Variants in CAMKMT observed in about 807,000 individuals in gnomAD.
CAMKMT encodes calmodulin-lysine N-methyltransferase.
In CAMKMT, 53 loss-of-function variants were observed where a neutral mutation model predicts 48.0. That is an observed-to-expected ratio of 1.10 (90% CI 0.89 to 1.39). The LOEUF (loss-of-function observed/expected upper bound fraction) is 1.39. Among genes scored for constraint, CAMKMT ranks in the 40% most tolerant of loss-of-function variants. The pLI is 0.00. For missense variants in CAMKMT, 428 were observed against 402.7 expected (o/e 1.06, Z -0.54); for synonymous variants, 165 against 152.3 (o/e 1.08, Z -0.61).
At chr2:44,477,467 A>T (rs939364821) in intron 3 of CAMKMT, among the ~76,000 whole-genome samples, 3 of 152,222 alleles carry the variant, frequency 2.0e-5, no homozygotes, top group Non-Finnish European at 4.4e-5. Flanking sequence ...GAAATTGATA[A>T]AACAGTTTAA....
intron 1 of CAMKMT, chr2:44,370,128 T>C (rs1679006949): frequency 2.0e-5 from 3 of 152,218 alleles, no homozygotes; most frequent in African/African-American, 4.8e-5. Flanking sequence ...GTTTGACTCT[T>C]GTGAGCTCTC....
At chr2:44,374,648 G>T (rs1012000863) in intron 2 of CAMKMT, among the ~76,000 whole-genome samples, 7 of 152,202 alleles carry the variant, frequency 4.6e-5, no homozygotes, top group African/African-American at 1.7e-4. Flanking sequence ...TGATCCTCAT[G>T]TAGTACTATC....
chr2:44,637,288 C>T (rs1250908199), intron 3 of CAMKMT, among the ~76,000 whole-genome samples: 1 of 152,216 alleles, frequency 6.6e-6, no homozygotes, highest in Non-Finnish European at 1.5e-5. Context: ...TTTTACAGCT[C>T]TTGAATAATA....
chr2:44,486,596 G>A (rs1187580139), intron 3 of CAMKMT, among the ~76,000 whole-genome samples: 1 of 152,196 alleles, frequency 6.6e-6, no homozygotes, highest in African/African-American at 2.4e-5. Context: ...TTCGGGCTGT[G>A]GTTCTTTACC....
chr2:44,747,186 G>A (rs112621483), intron 8 of CAMKMT, among the ~76,000 whole-genome samples: 45 of 152,108 alleles, frequency 3.0e-4, no homozygotes, highest in South Asian at 2.5e-3. Context: ...CTCTCTCAGC[G>A]TTTTTGCACT....
chr2:44,609,788 A>G (rs1671498300), intron 3 of CAMKMT, among the ~76,000 whole-genome samples: 1 of 152,122 alleles, frequency 6.6e-6, no homozygotes, highest in Non-Finnish European at 1.5e-5. Flanking sequence ...AGAAGGGTGG[A>G]TTGGAATCAC....
chr2:44,480,487 A>T (rs1668911464), intron 3 of CAMKMT, among the ~76,000 whole-genome samples: 1 of 152,330 alleles, frequency 6.6e-6, no homozygotes, highest in South Asian at 2.1e-4. Context: ...GTCAAAATAG[A>T]GTTAAGCCTA....
intron 3 of CAMKMT, among the ~76,000 whole-genome samples, chr2:44,480,026 A>AG (rs1234409851): frequency 6.6e-6 from 1 of 152,162 alleles, no homozygotes; most frequent in African/African-American, 2.4e-5. Flanking sequence ...TTGAGAAGGA[A>AG]GTCCTAGTTG....
rs1679113590 is a variant in CAMKMT, at chr2:44,370,951, C to T, written c.139-1765C>T. ...TCAGCTTCCTGAGTAGCTAGGACTA[C>T]AGGCAGACACCACCACATCCTACTA... On this transcript the variant is annotated intron_variant, in intron 1 of 10. Transcript: ENST00000378494. 2.0e-5 allele frequency among the ~76,000 whole-genome samples: 3 copies of T among 152,186 alleles called. No individual in the cohort carries two copies. The South Asian group carries it at 6.2e-4, about 32-fold the overall frequency.
At chr2:44,390,439 G>T (rs2104414099) in intron 3 of CAMKMT, 134 bp downstream of exon 3, 1 of 545,668 alleles carries the variant, frequency 1.8e-6, no homozygotes. Flanking sequence ...TAGAAAGTTT[G>T]ACTGTCTTTA....
At chr2:44,377,491 G>A (rs1679816682) in intron 2 of CAMKMT, among the ~76,000 whole-genome samples, 1 of 152,058 alleles carries the variant, frequency 6.6e-6, no homozygotes, top group Non-Finnish European at 1.5e-5. Flanking sequence ...ACAAGAAATT[G>A]TTCCTATCTC....
intron 7 of CAMKMT, among the ~76,000 whole-genome samples, chr2:44,725,801 A>G (rs184599034): frequency 1.6e-4 from 24 of 152,230 alleles, no homozygotes; most frequent in African/African-American, 5.5e-4. Context: ...GACAGAGCAC[A>G]TGAAGGGACT....
chr2:44,400,784 G>A (rs1201013842), intron 3 of CAMKMT: 2 of 151,284 alleles, frequency 1.3e-5, no homozygotes, highest in African/African-American at 2.4e-5. Flanking sequence ...CAGTATCTTC[G>A]AGAAAGCGTA....
At chr2:44,629,419 T>C (rs140478199) in intron 3 of CAMKMT, among the ~76,000 whole-genome samples, 1 of 148,682 alleles carries the variant, frequency 6.7e-6, no homozygotes, top group East Asian at 1.9e-4. Flanking sequence ...GTGTATGCAT[T>C]TCTTTCTTTC....
At chr2:44,681,312 A>G (rs930006200) in intron 3 of CAMKMT, among the ~76,000 whole-genome samples, 6 of 152,176 alleles carry the variant, frequency 3.9e-5, no homozygotes, top group African/African-American at 1.4e-4. Context: ...AAGTCTGCTC[A>G]CTGAGTTGTA....
intron 1 of CAMKMT, among the ~76,000 whole-genome samples, chr2:44,371,067 C>G (rs575055904): frequency 6.6e-6 from 1 of 152,206 alleles, no homozygotes; most frequent in East Asian, 1.9e-4. Flanking sequence ...TTACTGCAAC[C>G]TCTGCCTCCT....
chr2:44,568,725 C>G (rs562786917), intron 3 of CAMKMT, among the ~76,000 whole-genome samples: 111 of 152,136 alleles, frequency 7.3e-4, no homozygotes, highest in African/African-American at 2.6e-3. Context: ...ATCCTAAAAC[C>G]AATAGGAAGA....
chr2:44,382,483 CTT>C (rs1180515860), intron 2 of CAMKMT, among the ~76,000 whole-genome samples: 3 of 140,144 alleles, frequency 2.1e-5, no homozygotes, highest in Non-Finnish European at 3.1e-5. Context: ...TTTTCTTTTT[CTT>C]TTTTTTTTTT....
At position 44,645,255 on chromosome 2, in the gene CAMKMT, C is replaced by T. The variant is rs867735976; in HGVS notation, c.377-59028C>T. On this transcript the variant is annotated intron_variant, in intron 3 of 10. Transcript: ENST00000378494. ...ACATGAAATTTTACCCCTGCTCCTG[C>T]CTTCGTGGCATCACATAACATGGAG... is the stretch of plus-strand genomic sequence containing the variant. 7.2e-5 allele frequency among the ~76,000 whole-genome samples: 11 copies of T among 152,326 alleles called. 1 individual carries two copies. The Middle Eastern group carries it at 0.01, about 142-fold the overall frequency.
Sources: gnomAD v4.1 joint callset for allele counts (sites outside exome capture counted in the v4.1 genomes callset) on GRCh38, gnomAD v4.1.1 for gene constraint, MANE v1.5 for transcripts, NCBI Gene and HGNC (gene_info 2026-07-23, HGNC 2026-07-21) for gene names.